RGS6: variants seen among roughly 807,000 people sequenced by gnomAD.
RGS6 encodes regulator of G-protein signaling 6.
RGS6 carries 30 observed loss-of-function variants against 78.5 expected under a neutral mutation model. The observed-to-expected ratio is 0.38, with a 90% confidence interval of 0.29 to 0.52. The LOEUF (loss-of-function observed/expected upper bound fraction) is 0.52, where lower values mean the gene tolerates loss of function less well. Among genes scored for constraint, RGS6 ranks in the 20% least tolerant of loss-of-function variants. The probability of loss-of-function intolerance (pLI) is 0.85; values close to 1 mark genes in which losing one functional copy is unlikely to be tolerated. For synonymous variants in RGS6, 206 were observed against 206.0 expected, an observed-to-expected ratio of 1.00 and a Z score of 0.00; for missense variants, 495 against 609.7, an observed-to-expected ratio of 0.81 and a Z score of 1.98.
chr14:72,230,473 A>G (rs2049271483), intron 2 of RGS6, among the ~76,000 whole-genome samples: 1 of 152,222 alleles, frequency 6.6e-6, no homozygotes, highest in African/African-American at 2.4e-5. Context: ...AGAGATCACA[A>G]GGACAGTGTA....
intron 2 of RGS6, among the ~76,000 whole-genome samples, chr14:72,005,058 T>A (rs1019786082): frequency 6.6e-6 from 1 of 152,176 alleles, no homozygotes; most frequent in African/African-American, 2.4e-5. Context: ...GTGCATAAGT[T>A]GTAATTGCCT....
rs191663228 is a variant in RGS6 at position 72,408,086 on chromosome 14, C to T, written c.185-46442C>T. Among the ~76,000 whole-genome samples the T allele has an allele frequency of 5.3e-5, 8 of 152,232 alleles. No individual in the cohort carries two copies. The East Asian group carries it at 5.8e-4, about 11-fold the overall frequency. Reference sequence around the variant, plus strand: ...GTATTTAAATCAAGTTTTAACAAACCGACTCATGCTTGTTTATCCACTTAT... The same window carrying T: ...GTATTTAAATCAAGTTTTAACAAACTGACTCATGCTTGTTTATCCACTTAT... On this transcript the variant is annotated intron_variant, in intron 3 of 17. Transcript: ENST00000553525.
chr14:72,161,667 C>T lies in RGS6; in HGVS notation c.85-190428C>T, dbSNP rs74435221. Among the ~76,000 whole-genome samples the T allele has an allele frequency of 4.6e-3, 693 of 152,300 alleles. 8 individuals are homozygous for T. The highest frequency in any genetic ancestry group is 0.016 in the African/African-American group (651 of 41,554). On this transcript the variant is annotated intron_variant, in intron 2 of 17. Coordinates refer to ENST00000553525, the MANE Select transcript of RGS6 (RefSeq NM_001204424.2). ...TATTCTGTTTCTATGAAGTTTCTAA[C>T]GTAATTCTGGGCCCTCTTTCTACAA...
chr14:72,083,958 G>T (rs1390359941), intron 2 of RGS6, among the ~76,000 whole-genome samples: 2 of 152,128 alleles, frequency 1.3e-5, no homozygotes, highest in Non-Finnish European at 2.9e-5. Flanking sequence ...CCAAGCATTG[G>T]GAGTTGAGAA....
At chr14:72,397,633 C>T (rs970109290) in intron 3 of RGS6, among the ~76,000 whole-genome samples, 8 of 152,194 alleles carry the variant, frequency 5.3e-5, no homozygotes, top group African/African-American at 1.4e-4. Context: ...GTGCCCGTTT[C>T]CAAAGGGAAT....
At chr14:72,176,660 C>T (rs1214702036) in intron 2 of RGS6, among the ~76,000 whole-genome samples, 3 of 151,920 alleles carry the variant, frequency 2.0e-5, no homozygotes, top group South Asian at 4.1e-4. Context: ...AGCTTAGGTC[C>T]GTGAACAGTG....
intron 2 of RGS6, among the ~76,000 whole-genome samples, chr14:72,228,454 T>C (rs2048692490): frequency 6.6e-6 from 1 of 152,090 alleles, no homozygotes; most frequent in Non-Finnish European, 1.5e-5. Flanking sequence ...GTTCATCATC[T>C]TGTTAGTAGG....
Position 72,489,831 on chromosome 14 carries a change from C to T in RGS6, c.855-5321C>T, listed in dbSNP as rs147906312. Among the ~76,000 whole-genome samples, 774 of 152,332 alleles carry T rather than the reference C, an allele frequency of 5.1e-3. 8 individuals carry two copies. Among genetic ancestry groups the T allele is most frequent in the African/African-American group, 0.017 (724 of 41,574 alleles). ...ACCTTGATATCAGACTTCTAGCCTC[C>T]AAAACCGAGTATAAACTTCTGTTGT... On this transcript the variant is annotated intron_variant, in intron 12 of 17. Transcript: ENST00000553525.
the RGS6 span, among the ~76,000 whole-genome samples, chr14:72,599,407 T>TTTTG: frequency 2.8e-4 from 32 of 115,544 alleles, no homozygotes; most frequent in Admixed American, 1.9e-3. Context: ...TTTTTTTTTT[T>TTTTG]TTTTTTTTTT....
intron 17 of RGS6, chr14:72,547,049 C>T (rs956363965): frequency 1.6e-5 from 14 of 881,606 alleles, no homozygotes; most frequent in Non-Finnish European, 2.3e-5. Flanking sequence ...TGTGGGCTCC[C>T]ACCTGCCTAG....
At chr14:72,242,317 TAGG>T (rs1445548154) in intron 2 of RGS6, among the ~76,000 whole-genome samples, 1 of 152,132 alleles carries the variant, frequency 6.6e-6, no homozygotes, top group African/African-American at 2.4e-5. Flanking sequence ...GCAGCTGAAT[TAGG>T]AGGAAACTGC....
At chr14:71,951,474 G>A (rs4902957) in intron 1 of RGS6, among the ~76,000 whole-genome samples, 2,778 of 152,226 alleles carry the variant, frequency 0.018, 92 homozygotes, top group African/African-American at 0.063. Flanking sequence ...ATACTTAGGC[G>A]ATGGGTTGAT....
In RGS6 at chr14:72,357,518, A is replaced by G. The variant is rs764233357; in HGVS notation, c.184+5324A>G. Among the ~76,000 whole-genome samples the G allele has an allele frequency of 4.2e-4, 64 of 152,206 alleles. 1 individual carries two copies. The highest frequency in any genetic ancestry group is 8.8e-5 in the Non-Finnish European group (6 of 68,038). The stretch of plus-strand genomic sequence containing the variant: ...TCCAGGCTGAGGTAGTCTCAGATGG[A>G]GATGAGAAACTTGTTAGGAACTGGA... On this transcript the variant is annotated intron_variant, in intron 3 of 17. Transcript: ENST00000553525.
chr14:72,587,963 A>C, the RGS6 span, among the ~76,000 whole-genome samples: 1 of 152,172 alleles, frequency 6.6e-6, no homozygotes, highest in Non-Finnish European at 1.5e-5. Flanking sequence ...GTAGTGCTTG[A>C]CCAGATGTCT....
intron 3 of RGS6, among the ~76,000 whole-genome samples, chr14:72,412,182 G>A (rs2153058604): frequency 6.6e-6 from 1 of 152,326 alleles, no homozygotes; most frequent in East Asian, 1.9e-4. Flanking sequence ...ATTCGGCTGT[G>A]AATCCATCTG....
intron 2 of RGS6, among the ~76,000 whole-genome samples, chr14:72,059,466 CT>C (rs2093782702): frequency 6.6e-6 from 1 of 152,160 alleles, no homozygotes; most frequent in African/African-American, 2.4e-5. Context: ...TCTCATTTAA[CT>C]GTGAGGTATC....
chr14:72,562,901 C>T lies in RGS6; in HGVS notation c.*434C>T, dbSNP rs17780615. 0.097 allele frequency: 70,744 copies of T among 726,076 alleles called. 3,746 individuals carry two copies. Among genetic ancestry groups the T allele is most frequent in the Middle Eastern group, 0.16 (692 of 4,268 alleles). 45.0% of individuals were successfully genotyped at this position (726,076 alleles called of 1,614,324 possible). A position where few individuals can be genotyped will look rare whatever the true frequency, so the allele number is the denominator to read the frequency against. On this transcript the variant is annotated 3_prime_UTR_variant, in exon 18 of 18. Coordinates refer to ENST00000553525, the MANE Select transcript of RGS6 (RefSeq NM_001204424.2). ...ATGAGTGGACCGAGAGCACATCCAG[C>T]ATTTGCATCACCTCCCTGGCACCTC...
chr14:72,195,616 G>A (rs1001267522), intron 2 of RGS6, among the ~76,000 whole-genome samples: 1 of 152,238 alleles, frequency 6.6e-6, no homozygotes, highest in African/African-American at 2.4e-5. Context: ...TGAAGAGGTA[G>A]AAAGCAAGTC....
intron 1 of RGS6, among the ~76,000 whole-genome samples, chr14:71,952,654 C>A (rs1265274828): frequency 6.6e-6 from 1 of 151,636 alleles, no homozygotes; most frequent in Non-Finnish European, 1.5e-5. Flanking sequence ...GGCTGGTAAG[C>A]TTTATGAAAA....
Sources: gnomAD v4.1 joint callset for allele counts (sites outside exome capture counted in the v4.1 genomes callset) on GRCh38, gnomAD v4.1.1 for gene constraint, MANE v1.5 for transcripts, NCBI Gene and HGNC (gene_info 2026-07-23, HGNC 2026-07-21) for gene names.